Variants in TINAGL1 observed in about 807,000 individuals in gnomAD.
TINAGL1 encodes tubulointerstitial nephritis antigen-like.
In TINAGL1, 34 loss-of-function variants were observed where a neutral mutation model predicts 62.0. The observed-to-expected ratio is 0.55, with a 90% confidence interval of 0.42 to 0.73. The LOEUF is 0.73. Ranked by LOEUF, TINAGL1 falls within the 30% of genes least tolerant of loss-of-function variation. TINAGL1 has a pLI of 0.00. For missense variants in TINAGL1, 516 were observed against 653.2 expected (o/e 0.79, Z 2.29); for synonymous variants, 221 against 249.7 (o/e 0.88, Z 1.08).
rs548154504 is a variant in TINAGL1, at chr1:31,583,834, T to C, written c.582+259T>C. On this transcript the variant is annotated intron_variant, in intron 5 of 11. Transcript: ENST00000271064. The surrounding 1 kb of genome is among the most constrained non-coding windows in gnomAD (Gnocchi z 4.4). The stretch of plus-strand genomic sequence containing the variant: ...CCTGATCTCTCCAGCCTGGGAAAAA[T>C]GCTGTTGGTCTCAGTACAGCTGGGT... The C allele has an allele frequency of 4.1e-6, 2 of 489,590 alleles. 1 individual carries two copies. The highest frequency in any genetic ancestry group is 4.9e-5 in the South Asian group (2 of 40,598). The allele number at this position is 489,590 out of a possible 1,614,324, so 30.3% of individuals were successfully genotyped here.
At position 31,585,885 on chromosome 1, in the gene TINAGL1, C is replaced by T. The variant is rs746577046; in HGVS notation, c.1217+9C>T. On this transcript the variant is annotated intron_variant, in intron 10 of 11. Coordinates refer to ENST00000271064, the MANE Select transcript of TINAGL1 (RefSeq NM_022164.3). This position sits in a 1 kb window ranked among gnomAD's most constrained non-coding sequence, Gnocchi z 4.3. ...TCAGTCAAGATCACAGGGTGAGGGG[C>T]GTGTGGGCAGAGGGGGTTTGGGACA... The T allele has an allele frequency of 3.5e-5, 55 of 1,573,068 alleles. No individual in the cohort carries two copies. Among genetic ancestry groups the T allele is most frequent in the African/African-American group, 6.8e-5 (5 of 74,068 alleles).
At position 31,584,791 on chromosome 1, in the gene TINAGL1, C is replaced by T. The variant is rs1639340914; in HGVS notation, c.696C>T (p.Phe232=). The T allele has an allele frequency of 1.9e-6, 3 of 1,614,150 alleles. No individual in the cohort carries two copies. Among genetic ancestry groups the T allele is most frequent in the African/African-American group, 1.3e-5 (1 of 74,954 alleles). ...GCAACTGTGCAGGCTCCTGGGCCTT[C>T]TCCACAGCAGGTAAGCCAAGGGCAA... is the stretch of plus-strand genomic sequence containing the variant. ...DQGNCAGSWA[F]STAAVASDRV... The change falls in exon 6 of 12, where the codon TTC becomes TTT. Residue 232 remains phenylalanine, a synonymous_variant. Transcript: ENST00000271064. This position sits in a 1 kb window ranked among gnomAD's most constrained non-coding sequence, Gnocchi z 4.0.
chr1:31,580,195 C>CTCTCTGTCTCTCTCTG, intron 3 of TINAGL1: 1 of 412,620 alleles, frequency 2.4e-6, no homozygotes, highest in Admixed American at 9.1e-5. Flanking sequence ...CTCTCTCTCT[C>CTCTCTGTCTCTCTCTG]TCTCTCTCTC....
intron 3 of TINAGL1, among the ~76,000 whole-genome samples, chr1:31,581,347 C>T (rs1179815960): frequency 6.6e-6 from 1 of 151,954 alleles, no homozygotes; most frequent in Non-Finnish European, 1.5e-5. Context: ...GTGCCGGGGT[C>T]CAGGTGAGAG....
In TINAGL1 at chr1:31,584,494, C is replaced by T. The variant is rs1639332601; in HGVS notation, c.583-184C>T. On this transcript the variant is annotated intron_variant, in intron 5 of 11. Transcript: ENST00000271064. This position sits in a 1 kb window ranked among gnomAD's most constrained non-coding sequence, Gnocchi z 4.0. ...CCCACCACCTGATACCTGGGAGGCA[C>T]TAAATGGTGCTTGGTTCTTCAACAC... 1 of 899,200 alleles carries T rather than the reference C, an allele frequency of 1.1e-6. No individual in the cohort carries two copies. The highest frequency in any genetic ancestry group is 1.7e-5 in the African/African-American group (1 of 59,548). 55.7% of individuals were successfully genotyped at this position (899,200 alleles called of 1,614,324 possible). A position where few individuals can be genotyped will look rare whatever the true frequency, so the allele number is the denominator to read the frequency against.
In TINAGL1 at chr1:31,585,608, C is replaced by CCCCCCT; in HGVS notation, c.1093+127_1093+132dup. 2 of 1,532,700 alleles carry CCCCCCT rather than the reference C, an allele frequency of 1.3e-6. No individual in the cohort carries two copies. The highest frequency in any genetic ancestry group is 1.8e-6 in the Non-Finnish European group (2 of 1,133,894). The allele number at this position is 1,532,700 out of a possible 1,614,324, so 94.9% of individuals were successfully genotyped here. A position where few individuals can be genotyped will look rare whatever the true frequency, so the allele number is the denominator to read the frequency against. ...TCCAGTAGGGCCAGGAGTAGGGGTCCCCCCCTCCCACAGGCAGCACCTGGA... is the reference window on the plus strand; with the variant it reads ...TCCAGTAGGGCCAGGAGTAGGGGTCCCCCCCTCCCCCTCCCACAGGCAGCACCTGGA... On this transcript the variant is annotated intron_variant, in intron 9 of 11. Coordinates refer to ENST00000271064, the MANE Select transcript of TINAGL1 (RefSeq NM_022164.3). The surrounding 1 kb of genome is among the most constrained non-coding windows in gnomAD (Gnocchi z 4.3).
Position 31,579,193 on chromosome 1 carries a change from C to T in TINAGL1, c.311-11C>T, listed in dbSNP as rs748524817. The T allele has an allele frequency of 6.2e-7, 1 of 1,613,308 alleles. No individual in the cohort carries two copies. The highest frequency in any genetic ancestry group is 1.1e-5 in the South Asian group (1 of 91,042). ...TTCTGGTTCCACTTCTCTTCTCTTC[C>T]CTTCCAACAGGATGTATGCATGGAG... On this transcript the variant is annotated splice_polypyrimidine_tract_variant and intron_variant, in intron 2 of 11. Transcript: ENST00000271064.
intron 3 of TINAGL1, chr1:31,580,668 A>C: frequency 2.3e-6 from 3 of 1,288,682 alleles, no homozygotes; most frequent in Non-Finnish European, 3.0e-6. Context: ...CTTAAAAGGC[A>C]ACATTGGAGG....
At chr1:31,586,636 G>A (rs1408024416) in intron 10 of TINAGL1, 74 bp from the exon 11 acceptor site, 6 of 1,538,466 alleles carry the variant, frequency 3.9e-6, no homozygotes, top group Non-Finnish European at 5.3e-6. Context: ...GCTGGATGGG[G>A]CAGGTTTCCG....
chr1:31,581,986 A>G (rs1403472124), intron 3 of TINAGL1, among the ~76,000 whole-genome samples: 1 of 152,220 alleles, frequency 6.6e-6, no homozygotes, highest in African/African-American at 2.4e-5. Context: ...GAAAATACCA[A>G]ACAATACCTG....
chr1:31,585,419 T>C lies in TINAGL1; in HGVS notation c.1048-21T>C, dbSNP rs773858577. 4 of 1,613,822 alleles carry C rather than the reference T, an allele frequency of 2.5e-6. No homozygotes were observed. The East Asian group carries it at 8.9e-5, about 36-fold the overall frequency. ...AGTCTCACCCCTGACGTATGCTCTC[T>C]GTCCATCCCCTGCCCTCCAGGACAA... On this transcript the variant is annotated intron_variant, in intron 8 of 11. Transcript: ENST00000271064. This position sits in a 1 kb window ranked among gnomAD's most constrained non-coding sequence, Gnocchi z 4.3.
At chr1:31,579,148 A>T in intron 2 of TINAGL1, 56 bp from the exon 3 acceptor site, 1 of 1,479,850 alleles carries the variant, frequency 6.8e-7, no homozygotes, top group Non-Finnish European at 9.4e-7. Flanking sequence ...GGACCTGGCC[A>T]ATTAGCCCAT....
At chr1:31,580,807 T>G in intron 3 of TINAGL1, 1 of 1,195,360 alleles carries the variant, frequency 8.4e-7, no homozygotes, top group Non-Finnish European at 1.1e-6. Context: ...AAAGACCTAC[T>G]GCGTGACAGG....
At position 31,583,482 on chromosome 1, in the gene TINAGL1, C is replaced by G. The variant is rs773638525; in HGVS notation, c.489C>G (p.Ser163Arg). ...TCAGCTGGCAGGCTGGGAACCACAG[C>G]GCCTTCTGGGGCATGACCCTGGATG... Reference protein sequence around the residue: ...GNYGWQAGNHSAFWGMTLDEG... With the variant: ...GNYGWQAGNHRAFWGMTLDEG... Residue 163 changes from serine (S) to arginine (R), a missense_variant, in exon 5 of 12, where the codon AGC becomes AGG. Transcript: ENST00000271064. The surrounding 1 kb of genome is among the most constrained non-coding windows in gnomAD (Gnocchi z 4.4). 6.2e-7 allele frequency: 1 copy of G among 1,613,872 alleles called. No individual in the cohort carries two copies. The highest frequency in any genetic ancestry group is 1.7e-5 in the Admixed American group (1 of 60,008).
At chr1:31,578,904 TTC>T (rs1639111877) in intron 2 of TINAGL1, among the ~76,000 whole-genome samples, 1 of 21,360 alleles carries the variant, frequency 4.7e-5, no homozygotes, top group Non-Finnish European at 1.2e-4. Flanking sequence ...GTGTGATATC[TTC>T]AGTTATAGTT....
Position 31,577,483 on chromosome 1 carries a change from G to A in TINAGL1, c.310+25G>A. 1 of 1,584,900 alleles carries A rather than the reference G, an allele frequency of 6.3e-7. No individual in the cohort carries two copies. On this transcript the variant is annotated intron_variant, in intron 2 of 11. Transcript: ENST00000271064. This position sits in a 1 kb window ranked among gnomAD's most constrained non-coding sequence, Gnocchi z 5.4. ...GGTGGGCACTAAGATGGCCAGGAGGGTGGGTCACTTTGTCCACCTCAGACT... is the reference window on the plus strand; with the variant it reads ...GGTGGGCACTAAGATGGCCAGGAGGATGGGTCACTTTGTCCACCTCAGACT...
intron 2 of TINAGL1, among the ~76,000 whole-genome samples, chr1:31,578,607 G>C (rs1639087595): frequency 7.3e-6 from 1 of 136,670 alleles, no homozygotes; most frequent in South Asian, 2.5e-4. Flanking sequence ...GTGAGAGCTG[G>C]TGTGTGTGTG....
chr1:31,584,845 G>C lies in TINAGL1; in HGVS notation c.707-41G>C, dbSNP rs751532186. The stretch of plus-strand genomic sequence containing the variant: ...CTGGCGCCTGGGAGAGGAGGGCCAA[G>C]TCCTGAGCCTCCCGACAGCCCCTCT... On this transcript the variant is annotated intron_variant, in intron 6 of 11. Coordinates refer to ENST00000271064, the MANE Select transcript of TINAGL1 (RefSeq NM_022164.3). This position sits in a 1 kb window ranked among gnomAD's most constrained non-coding sequence, Gnocchi z 4.0. 5 of 1,613,744 alleles carry C rather than the reference G, an allele frequency of 3.1e-6. 1 individual carries two copies. In the South Asian group the frequency reaches 4.4e-5, roughly 14 times the overall value.
In TINAGL1 at chr1:31,579,248, T is replaced by C. The variant is rs200452922; in HGVS notation, c.355T>C (p.Trp119Arg). ...GRIYPVLGTY[W>R]DNCNRCTCQE... Reference sequence around the variant, plus strand: ...TATCTATCCAGTCTTGGGAACGTACTGGGACAACTGTAACCGTTGGTGAGT... The same window carrying C: ...TATCTATCCAGTCTTGGGAACGTACCGGGACAACTGTAACCGTTGGTGAGT... The change falls in exon 3 of 12, where the codon TGG becomes CGG. Residue 119 changes from tryptophan (W) to arginine (R), a missense_variant. By Grantham distance (101) the Trp-to-Arg change is moderately radical. Transcript: ENST00000271064. 1.9e-6 allele frequency: 3 copies of C among 1,614,138 alleles called. No homozygotes were observed. The highest frequency in any genetic ancestry group is 3.3e-4 in the Middle Eastern group (2 of 6,062).
Sources: gnomAD v4.1 joint callset for allele counts (sites outside exome capture counted in the v4.1 genomes callset) on GRCh38, gnomAD v4.1.1 for gene constraint, Gnocchi (gnomAD v3.1) non-coding constraint, MANE v1.5 for transcripts, NCBI Gene and HGNC (gene_info 2026-07-23, HGNC 2026-07-21) for gene names.